UNC5C: variants seen among roughly 807,000 people sequenced by gnomAD.
UNC5C encodes netrin receptor UNC5C.
Under a neutral mutation model 99.8 loss-of-function variants are expected in UNC5C, and 47 were observed. That is an observed-to-expected ratio of 0.47 (90% CI 0.37 to 0.60). The LOEUF is 0.60. Ranked by LOEUF, UNC5C falls within the 20% of genes least tolerant of loss-of-function variation. UNC5C has a pLI of 0.00. For synonymous variants in UNC5C, 487 were observed against 452.2 expected (o/e 1.08, Z -0.98); for missense variants, 1,062 against 1,165.9 (o/e 0.91, Z 1.30).
At chr4:95,426,062 T>G (rs533187488) in intron 1 of UNC5C, among the ~76,000 whole-genome samples, 1 of 152,346 alleles carries the variant, frequency 6.6e-6, no homozygotes, top group East Asian at 1.9e-4. Context: ...TATTTGCAGA[T>G]ATTGCATTTC....
chr4:95,171,377 TC>T (rs1276419642), intron 14 of UNC5C, among the ~76,000 whole-genome samples: 1 of 127,842 alleles, frequency 7.8e-6, no homozygotes. Flanking sequence ...ATGCTATCCC[TC>T]CCCCCTCCCA....
At chr4:95,457,808 C>T (rs1054315907) in intron 1 of UNC5C, among the ~76,000 whole-genome samples, 8 of 152,130 alleles carry the variant, frequency 5.3e-5, no homozygotes, top group Non-Finnish European at 1.0e-4. Context: ...TTCTGCTTTA[C>T]AACACAAGAA....
intron 4 of UNC5C, among the ~76,000 whole-genome samples, chr4:95,268,731 C>T (rs1361952920): frequency 6.6e-6 from 1 of 152,088 alleles, no homozygotes; most frequent in African/African-American, 2.4e-5. Flanking sequence ...CACATGCCAC[C>T]CAACATGAAA....
At chr4:95,465,254 T>C (rs1276365520) in intron 1 of UNC5C, among the ~76,000 whole-genome samples, 1 of 152,158 alleles carries the variant, frequency 6.6e-6, no homozygotes, top group East Asian at 1.9e-4. Flanking sequence ...ACATGACTAA[T>C]CCCTGCCAGG....
chr4:95,401,924 G>A (rs1355367589), intron 1 of UNC5C, among the ~76,000 whole-genome samples: 2 of 152,198 alleles, frequency 1.3e-5, no homozygotes, highest in Non-Finnish European at 2.9e-5. Flanking sequence ...TGTGGAATGT[G>A]TCAAGGATGC....
Position 95,250,562 on chromosome 4 carries a change from T to C in UNC5C, c.700A>G (p.Thr234Ala). Residue 234 changes from threonine to alanine, a missense_variant, in exon 5 of 16, where the codon ACT (threonine) becomes GCT (alanine). Coordinates refer to ENST00000453304, the MANE Select transcript of UNC5C (RefSeq NM_003728.4). ...LIIKQARLSDTANYTCVAKNI... is the reference protein window; with the variant it reads ...LIIKQARLSDAANYTCVAKNI... ...TTGGCAACACAGGTGTAATTTGCAG[T>C]ATCAGAGAGTCGGGCCTGCTTTATG... 1 of 1,614,098 alleles carries C rather than the reference T, an allele frequency of 6.2e-7. No individual in the cohort carries two copies. Among genetic ancestry groups the C allele is most frequent in the Non-Finnish European group, 8.5e-7 (1 of 1,179,984 alleles).
At chr4:95,374,548 TGA>T (rs1295432103) in intron 1 of UNC5C, among the ~76,000 whole-genome samples, 1 of 152,026 alleles carries the variant, frequency 6.6e-6, no homozygotes, top group Non-Finnish European at 1.5e-5. Context: ...GGCTTCTACT[TGA>T]GAGGACAGGC....
intron 1 of UNC5C, among the ~76,000 whole-genome samples, chr4:95,384,450 G>T (rs572387978): frequency 6.6e-6 from 1 of 152,264 alleles, no homozygotes; most frequent in East Asian, 1.9e-4. Flanking sequence ...GTGGGAGTGT[G>T]TGTCCAGGGC....
rs534485013 is a variant in UNC5C at position 95,323,492 on chromosome 4, CATGCCA to C, written c.346+11912_346+11917del. Among the ~76,000 whole-genome samples the C allele has an allele frequency of 1.1e-4, 16 of 152,292 alleles. 1 individual carries two copies. Among genetic ancestry groups the C allele is most frequent in the African/African-American group, 3.8e-4 (16 of 41,572 alleles). ...TAGTTTCACTCAATTTAATGAAGAG[CATGCCA>C]ATAATTAATTAAGCTGAACTAAATG... On this transcript the variant is annotated intron_variant, in intron 2 of 15. Transcript: ENST00000453304.
chr4:95,258,743 A>ATTTTTT (rs1740102405), intron 4 of UNC5C, among the ~76,000 whole-genome samples: 2 of 85,866 alleles, frequency 2.3e-5, no homozygotes, highest in Non-Finnish European at 5.0e-5. Context: ...CGACCATCTT[A>ATTTTTT]TTCTTTTTTT....
chr4:95,491,272 T>G (rs552671107), intron 1 of UNC5C, among the ~76,000 whole-genome samples: 2 of 151,746 alleles, frequency 1.3e-5, no homozygotes, highest in East Asian at 3.9e-4. Context: ...AATATAGTGC[T>G]GTATTGCTAT....
At chr4:95,522,995 T>G (rs942632654) in intron 1 of UNC5C, among the ~76,000 whole-genome samples, 1 of 152,138 alleles carries the variant, frequency 6.6e-6, no homozygotes, top group Admixed American at 6.6e-5. Context: ...GATGGGTACC[T>G]TGTCTTATCT....
chr4:95,443,620 A>G (rs1193482560), intron 1 of UNC5C, among the ~76,000 whole-genome samples: 1 of 152,136 alleles, frequency 6.6e-6, no homozygotes, highest in Non-Finnish European at 1.5e-5. Context: ...ACATTTAAAA[A>G]TGTTTTCCTT....
chr4:95,439,857 T>C (rs2149463157), intron 1 of UNC5C, among the ~76,000 whole-genome samples: 1 of 152,278 alleles, frequency 6.6e-6, no homozygotes, highest in East Asian at 1.9e-4. Context: ...TCAGTCTTTT[T>C]CTTCTAATTT....
chr4:95,319,305 G>C (rs1007404198), intron 2 of UNC5C, among the ~76,000 whole-genome samples: 19 of 152,194 alleles, frequency 1.2e-4, no homozygotes, highest in African/African-American at 4.6e-4. Context: ...ACTGTCAAGT[G>C]CAGCCAGGGT....
chr4:95,297,143 G>A (rs990767908), intron 3 of UNC5C, among the ~76,000 whole-genome samples: 12 of 152,174 alleles, frequency 7.9e-5, no homozygotes, highest in African/African-American at 2.9e-4. Flanking sequence ...AGGGCCATGT[G>A]AGCTTCAGAT....
At chr4:95,404,794 C>A (rs974008030) in intron 1 of UNC5C, among the ~76,000 whole-genome samples, 1 of 152,186 alleles carries the variant, frequency 6.6e-6, no homozygotes, top group East Asian at 1.9e-4. Context: ...CCCATATAAA[C>A]CCTGAACCCC....
intron 1 of UNC5C, among the ~76,000 whole-genome samples, chr4:95,371,781 G>A (rs1215378771): frequency 1.3e-5 from 2 of 152,106 alleles, no homozygotes; most frequent in Admixed American, 1.3e-4. Context: ...TTGAGAAGCT[G>A]GAAATCAAAT....
At chr4:95,300,235 T>G (rs1741819386) in intron 3 of UNC5C, among the ~76,000 whole-genome samples, 1 of 152,202 alleles carries the variant, frequency 6.6e-6, no homozygotes, top group South Asian at 2.1e-4. Flanking sequence ...ACAGACAGAA[T>G]ATTTACTGAG....
Sources: allele counts gnomAD v4.1 joint callset (sites outside exome capture counted in the v4.1 genomes callset), GRCh38; gene constraint gnomAD v4.1.1; transcripts MANE v1.5; gene names NCBI Gene and HGNC (gene_info 2026-07-23, HGNC 2026-07-21).